Variants in LRP1B observed in about 807,000 individuals in gnomAD.
The protein encoded by LRP1B is low-density lipoprotein receptor-related protein 1B.
LRP1B carries 217 observed loss-of-function variants against 556.6 expected under a neutral mutation model. That is an observed-to-expected ratio of 0.39 (90% CI 0.35 to 0.44). The LOEUF (loss-of-function observed/expected upper bound fraction) is 0.44, where lower values mean the gene tolerates loss of function less well. Ranked by LOEUF, LRP1B falls within the 20% of genes least tolerant of loss-of-function variation. The probability of loss-of-function intolerance (pLI) is 1.00; values close to 1 mark genes in which losing one functional copy is unlikely to be tolerated. For synonymous variants in LRP1B, 2,047 were observed against 1,865.8 expected (o/e 1.10, Z -2.50); for missense variants, 5,053 against 5,620.8 (o/e 0.90, Z 3.23).
chr2:140,926,401 G>T (rs901995477), intron 20 of LRP1B, among the ~76,000 whole-genome samples: 1 of 151,918 alleles, frequency 6.6e-6, no homozygotes, highest in African/African-American at 2.4e-5. Flanking sequence ...TAGTACAGTG[G>T]TACAATCATG....
intron 35 of LRP1B, among the ~76,000 whole-genome samples, chr2:140,758,692 A>G (rs1227094849): frequency 6.6e-6 from 1 of 152,030 alleles, no homozygotes; most frequent in East Asian, 1.9e-4. Context: ...AGTATCCTTT[A>G]TTGTTATCAG....
At chr2:141,582,111 T>C (rs1343773161) in intron 2 of LRP1B, among the ~76,000 whole-genome samples, 2 of 152,214 alleles carry the variant, frequency 1.3e-5, no homozygotes, top group African/African-American at 4.8e-5. Context: ...AAATTCAGAT[T>C]TCCTCATAAA....
rs533448876 is a variant in LRP1B at position 141,797,994 on chromosome 2, G to T, written c.205+12285C>A. Reference sequence around the variant, plus strand: ...TATCCTTGGTTGGATCCTGGATTCGGTAAAATAATTACAAATAATACTCTG... The same window carrying T: ...TATCCTTGGTTGGATCCTGGATTCGTTAAAATAATTACAAATAATACTCTG... On this transcript the variant is annotated intron_variant, in intron 2 of 90. Coordinates refer to ENST00000389484, the MANE Select transcript of LRP1B (RefSeq NM_018557.3). Among the ~76,000 whole-genome samples, 32 of 152,232 alleles carry T rather than the reference G, an allele frequency of 2.1e-4. 1 individual carries two copies. The highest frequency in any genetic ancestry group is 3.4e-3 in the Middle Eastern group (1 of 294).
chr2:140,427,212 G>A (rs1196315450), intron 66 of LRP1B, among the ~76,000 whole-genome samples: 1 of 152,130 alleles, frequency 6.6e-6, no homozygotes, highest in Non-Finnish European at 1.5e-5. Flanking sequence ...TTCCATTGGT[G>A]TCTGATCTCC....
At chr2:141,887,288 G>T (rs1699156490) in intron 1 of LRP1B, among the ~76,000 whole-genome samples, 1 of 152,174 alleles carries the variant, frequency 6.6e-6, no homozygotes, top group African/African-American at 2.4e-5. Context: ...GTGCCCCCGT[G>T]CCCAGCCCGG....
intron 1 of LRP1B, among the ~76,000 whole-genome samples, chr2:141,877,105 C>T (rs10166169): frequency 0.16 from 24,053 of 151,880 alleles, 1,987 homozygotes; most frequent in South Asian, 0.19. Flanking sequence ...TTTCATCCTA[C>T]GACCCAAGCT....
chr2:141,729,051 C>T lies in LRP1B; in HGVS notation c.205+81228G>A, dbSNP rs191623508. On this transcript the variant is annotated intron_variant, in intron 2 of 90. Transcript: ENST00000389484. ...AGTTGGAGTCTCCATGTGTTCATTCCGCTTATTACAGCAGCTGAGCCTCAA... is the reference window on the plus strand; with the variant it reads ...AGTTGGAGTCTCCATGTGTTCATTCTGCTTATTACAGCAGCTGAGCCTCAA... 6.6e-5 allele frequency among the ~76,000 whole-genome samples: 10 copies of T among 152,226 alleles called. No homozygotes were observed. In the East Asian group the frequency reaches 1.4e-3, roughly 21 times the overall value.
intron 43 of LRP1B, among the ~76,000 whole-genome samples, chr2:140,575,718 T>A (rs1019950499): frequency 1.3e-5 from 2 of 150,818 alleles, no homozygotes; most frequent in Non-Finnish European, 3.0e-5. Context: ...GGTCAGGAGA[T>A]CATCAAGACC....
At chr2:140,625,235 A>C (rs1258610634) in intron 41 of LRP1B, among the ~76,000 whole-genome samples, 1 of 152,214 alleles carries the variant, frequency 6.6e-6, no homozygotes, top group East Asian at 1.9e-4. Flanking sequence ...ATTTGGAATC[A>C]ATGGAGTTAG....
chr2:140,695,842 T>C (rs1014614997), intron 41 of LRP1B, among the ~76,000 whole-genome samples: 1 of 152,186 alleles, frequency 6.6e-6, no homozygotes, highest in Non-Finnish European at 1.5e-5. Flanking sequence ...TGGCACACTG[T>C]AAGCACTTAA....
intron 1 of LRP1B, among the ~76,000 whole-genome samples, chr2:142,078,104 C>T (rs1181989277): frequency 2.6e-5 from 4 of 152,074 alleles, no homozygotes; most frequent in Non-Finnish European, 4.4e-5. Flanking sequence ...TGTTCCCTAT[C>T]GCTTGCTGTG....
At chr2:141,005,262 C>A (rs2105373337) in intron 15 of LRP1B, 73 bp downstream of exon 15, 3 of 1,504,802 alleles carry the variant, frequency 2.0e-6, no homozygotes, top group Non-Finnish European at 2.7e-6. Flanking sequence ...ATTTTAATTC[C>A]TTTAGTTTCT....
intron 56 of LRP1B, among the ~76,000 whole-genome samples, chr2:140,493,048 T>G (rs1688769288): frequency 1.3e-5 from 2 of 152,172 alleles, no homozygotes. Flanking sequence ...AAACCTACAG[T>G]ACAGCTAAAA....
chr2:140,857,072 A>G (rs1387381824), intron 27 of LRP1B, among the ~76,000 whole-genome samples: 1 of 152,192 alleles, frequency 6.6e-6, no homozygotes, highest in Non-Finnish European at 1.5e-5. Context: ...CATTTGATTC[A>G]AACTGTATTT....
At position 141,367,216 on chromosome 2, in the gene LRP1B, C is replaced by A. The variant is rs147942202; in HGVS notation, c.344-112575G>T. Reference sequence around the variant, plus strand: ...ACATTAAGTGAGCTTCACATAATTACACAGCTTGTTAGTAACAAAAATAAG... The same window carrying A: ...ACATTAAGTGAGCTTCACATAATTAAACAGCTTGTTAGTAACAAAAATAAG... On this transcript the variant is annotated intron_variant, in intron 3 of 90. Transcript: ENST00000389484. Among the ~76,000 whole-genome samples, 392 of 152,226 alleles carry A rather than the reference C, an allele frequency of 2.6e-3. 1 individual carries two copies. The highest frequency in any genetic ancestry group is 9.0e-3 in the African/African-American group (372 of 41,544).
At chr2:141,146,997 C>A (rs1701801779) in intron 7 of LRP1B, among the ~76,000 whole-genome samples, 1 of 152,202 alleles carries the variant, frequency 6.6e-6, no homozygotes, top group Admixed American at 6.5e-5. Context: ...GAGCATCCTC[C>A]TACTAGCTTC....
rs1878740 is a variant in LRP1B, at chr2:140,442,546, C to T, written c.10372G>A (p.Glu3458Lys). 73 of 1,613,842 alleles carry T rather than the reference C, an allele frequency of 4.5e-5. No homozygotes were observed. In the African/African-American group the frequency reaches 7.7e-4, roughly 17 times the overall value. The part of the protein sequence containing the change: ...HCISKLWVCD[E>K]DPDCADASDE... ...GATGCATCTGCACAGTCTGGATCCTCGTCACAAACCCACAGCTTGGAAATG... is the reference window on the plus strand; with the variant it reads ...GATGCATCTGCACAGTCTGGATCCTTGTCACAAACCCACAGCTTGGAAATG... Residue 3458 changes from glutamate (E) to lysine (K), a missense_variant, in exon 66 of 91, where the codon GAG becomes AAG. Transcript: ENST00000389484.
rs570515869 is a variant in LRP1B, at chr2:140,465,532, G to C, written c.9626-7881C>G. Among the ~76,000 whole-genome samples the C allele has an allele frequency of 9.2e-5, 14 of 152,232 alleles. No individual in the cohort carries two copies. The East Asian group carries it at 2.7e-3, about 29-fold the overall frequency. The stretch of plus-strand genomic sequence containing the variant: ...CAATGCACAATAGTCTGGCAAAGCA[G>C]CATGCCTAAATTAGGAAGTAACTGG... On this transcript the variant is annotated intron_variant, in intron 60 of 90. Coordinates refer to ENST00000389484, the MANE Select transcript of LRP1B (RefSeq NM_018557.3).
chr2:140,788,193 C>T (rs1029902049), intron 32 of LRP1B, among the ~76,000 whole-genome samples: 1 of 152,028 alleles, frequency 6.6e-6, no homozygotes, highest in African/African-American at 2.4e-5. Context: ...TAATTGGTAG[C>T]TATATGGAAT....
Sources: allele counts gnomAD v4.1 joint callset (sites outside exome capture counted in the v4.1 genomes callset), GRCh38; gene constraint gnomAD v4.1.1; transcripts MANE v1.5; gene names NCBI Gene and HGNC (gene_info 2026-07-23, HGNC 2026-07-21).